Variants in ADCY2 observed in about 807,000 individuals in gnomAD.
The protein encoded by ADCY2 is adenylate cyclase type 2.
ADCY2 carries 31 observed loss-of-function variants against 125.2 expected under a neutral mutation model. The observed-to-expected ratio is 0.25, with a 90% confidence interval of 0.19 to 0.33. The LOEUF (loss-of-function observed/expected upper bound fraction) is 0.33, where lower values mean the gene tolerates loss of function less well. Among genes scored for constraint, ADCY2 ranks in the 10% least tolerant of loss-of-function variants. The probability of loss-of-function intolerance (pLI) is 1.00; values close to 1 mark genes in which losing one functional copy is unlikely to be tolerated. For missense variants in ADCY2, 904 were observed against 1,418.2 expected (o/e 0.64, Z 5.82); for synonymous variants, 512 against 548.4 (o/e 0.93, Z 0.93).
At chr5:7,684,581 A>G (rs1308943274) in intron 4 of ADCY2, among the ~76,000 whole-genome samples, 6 of 152,226 alleles carry the variant, frequency 3.9e-5, no homozygotes, top group Non-Finnish European at 7.3e-5. Context: ...CATGTGAGTG[A>G]TAATTTCATT....
At chr5:7,694,975 G>A (rs149601906) in intron 5 of ADCY2, among the ~76,000 whole-genome samples, 1 of 152,318 alleles carries the variant, frequency 6.6e-6, no homozygotes, top group East Asian at 1.9e-4. Context: ...CTGTGAAATA[G>A]TAGTTGTTTT....
chr5:7,609,450 A>G (rs1737496422), intron 3 of ADCY2, among the ~76,000 whole-genome samples: 1 of 152,240 alleles, frequency 6.6e-6, no homozygotes, highest in Non-Finnish European at 1.5e-5. Flanking sequence ...TGAATGAAAG[A>G]ATGTATTTTT....
intron 12 of ADCY2, among the ~76,000 whole-genome samples, chr5:7,722,827 G>T (rs1290412507): frequency 2.0e-5 from 3 of 151,912 alleles, no homozygotes; most frequent in South Asian, 4.1e-4. Context: ...GGGCATGCTG[G>T]TGTGCACCTG....
intron 2 of ADCY2, among the ~76,000 whole-genome samples, chr5:7,421,210 C>T (rs1205520328): frequency 6.6e-6 from 1 of 152,206 alleles, no homozygotes; most frequent in Non-Finnish European, 1.5e-5. Context: ...TCTAGTGCTG[C>T]TGTAACTAAG....
chr5:7,663,409 G>A (rs1391407102), intron 4 of ADCY2, among the ~76,000 whole-genome samples: 8 of 152,238 alleles, frequency 5.3e-5, no homozygotes, highest in Admixed American at 2.0e-4. Flanking sequence ...TTGGCATCCT[G>A]CCCATTGCAG....
chr5:7,405,240 A>G (rs1490726448), intron 1 of ADCY2, among the ~76,000 whole-genome samples: 1 of 152,202 alleles, frequency 6.6e-6, no homozygotes, highest in Admixed American at 6.5e-5. Flanking sequence ...TATGCCTGGA[A>G]GAAGGATGTA....
At chr5:7,691,009 A>C (rs557190076) in intron 5 of ADCY2, 170 bp downstream of exon 5, 11 of 676,526 alleles carry the variant, frequency 1.6e-5, no homozygotes, top group Admixed American at 1.6e-4. Context: ...CCTGCCTCTC[A>C]GGGCCTTCAC....
At chr5:7,591,449 G>T (rs1459587736) in intron 3 of ADCY2, among the ~76,000 whole-genome samples, 1 of 152,074 alleles carries the variant, frequency 6.6e-6, no homozygotes, top group Non-Finnish European at 1.5e-5. Flanking sequence ...TCCCATCCAT[G>T]GGCTACTTAC....
At position 7,826,899 on chromosome 5, in the gene ADCY2, C is replaced by T; in HGVS notation, c.*28C>T. ...AGTCACCTTCATTTTGGCAAGAAGA[C>T]TGTATTTTCAGGAAGGTATCACACA... On this transcript the variant is annotated 3_prime_UTR_variant, in exon 25 of 25. Transcript: ENST00000338316. 1 of 1,576,196 alleles carries T rather than the reference C, an allele frequency of 6.3e-7. No homozygotes were observed. The highest frequency in any genetic ancestry group is 8.6e-7 in the Non-Finnish European group (1 of 1,164,844).
At chr5:7,499,682 T>TAC (rs1491273316) in intron 2 of ADCY2, among the ~76,000 whole-genome samples, 3 of 128,032 alleles carry the variant, frequency 2.3e-5, no homozygotes, top group African/African-American at 8.9e-5. Context: ...TATATATATA[T>TAC]GTATATATAT....
At chr5:7,551,875 C>A (rs1213633649) in intron 3 of ADCY2, among the ~76,000 whole-genome samples, 1 of 152,140 alleles carries the variant, frequency 6.6e-6, no homozygotes, top group Non-Finnish European at 1.5e-5. Context: ...CCTTTGAAAG[C>A]CACTCCATAA....
intron 3 of ADCY2, among the ~76,000 whole-genome samples, chr5:7,538,008 C>T (rs1579550248): frequency 2.0e-5 from 3 of 152,206 alleles, no homozygotes; most frequent in African/African-American, 4.8e-5. Context: ...AGCTCACATT[C>T]GAGCTCTCAG....
rs1292952169 is a variant in ADCY2, at chr5:7,757,519, C to T, written c.2027C>T (p.Pro676Leu). 3 of 1,614,068 alleles carry T rather than the reference C, an allele frequency of 1.9e-6. No individual in the cohort carries two copies. Among genetic ancestry groups the T allele is most frequent in the Non-Finnish European group, 2.5e-6 (3 of 1,180,016 alleles). Residue 676 changes from proline to leucine, a missense_variant, in exon 16 of 25, where the codon CCC (proline) becomes CTC (leucine). Physicochemically the swap from Pro to Leu is moderately conservative, Grantham distance 98 (BLOSUM62 -3). Transcript: ENST00000338316. ...LKSSGIIANR[P>L]WPRISLTIIT... ...TCCTCGGGCATCATTGCCAACCGCC[C>T]CTGGCCACGGATCTCTCTCACGATC...
intron 22 of ADCY2, among the ~76,000 whole-genome samples, chr5:7,811,574 T>C (rs1266127478): frequency 6.6e-6 from 1 of 152,086 alleles, no homozygotes; most frequent in Admixed American, 6.5e-5. Context: ...AATTATTTTA[T>C]CCAAATATTA....
rs1353457187 is a variant in ADCY2, at chr5:7,769,930, G to C, written c.2215-3002G>C. ...GTACACTCCAATAGAAGTCGGTTCA[G>C]TATCCTATTGCCAGAATCGCTGACT... On this transcript the variant is annotated intron_variant, in intron 17 of 24. Transcript: ENST00000338316. Among the ~76,000 whole-genome samples, 3 of 152,212 alleles carry C rather than the reference G, an allele frequency of 2.0e-5. No homozygotes were observed. In the South Asian group the frequency reaches 6.2e-4, roughly 32 times the overall value.
chr5:7,776,969 A>T (rs572999195), intron 18 of ADCY2, among the ~76,000 whole-genome samples: 1 of 151,826 alleles, frequency 6.6e-6, no homozygotes, highest in East Asian at 1.9e-4. Context: ...CACTCCCAGC[A>T]TCTCTCTTTC....
chr5:7,502,209 G>T, intron 2 of ADCY2, among the ~76,000 whole-genome samples: 1 of 152,290 alleles, frequency 6.6e-6, no homozygotes, highest in African/African-American at 2.4e-5. Context: ...CCAAATGCAA[G>T]TGGGACTCTG....
chr5:7,520,877 G>A lies in ADCY2; in HGVS notation c.548G>A (p.Gly183Asp). Residue 183 changes from glycine to aspartate, a missense_variant, in exon 3 of 25, where the codon GGC (glycine) becomes GAC (aspartate). Transcript: ENST00000338316. ...LSVCLSATPG[G>D]KEHLVWQILA... ...GTCTGCCTGTCTGCAACACCGGGAG[G>A]CAAGGAGCACCTGGTCTGGCAGGTG... 6.2e-7 allele frequency: 1 copy of A among 1,614,110 alleles called. No individual in the cohort carries two copies. The highest frequency in any genetic ancestry group is 1.1e-5 in the South Asian group (1 of 91,084).
rs376116637 is a variant in ADCY2, at chr5:7,827,182, G to T, written c.*311G>T. On this transcript the variant is annotated 3_prime_UTR_variant, in exon 25 of 25. Transcript: ENST00000338316. ...CATTCTTAAGGCAATAAAACTAGGG[G>T]GTGTATATTATCTTCTGGTGCATGT... 2.2e-5 allele frequency: 6 copies of T among 274,142 alleles called. No individual in the cohort carries two copies. In the East Asian group the frequency reaches 2.3e-4, roughly 11 times the overall value. The allele number at this position is 274,142 out of a possible 1,614,324, so 17.0% of individuals were successfully genotyped here.
Sources: allele counts gnomAD v4.1 joint callset (sites outside exome capture counted in the v4.1 genomes callset), GRCh38; gene constraint gnomAD v4.1.1; transcripts MANE v1.5; gene names NCBI Gene and HGNC (gene_info 2026-07-23, HGNC 2026-07-21).